The following HNF4G variants were observed in gnomAD, a reference collection of about 807,000 sequenced individuals.
HNF4G encodes the protein hepatocyte nuclear factor 4-gamma.
A neutral mutation model predicts 50.9 loss-of-function variants in HNF4G; 21 were observed. The observed-to-expected ratio is 0.41, with a 90% CI of 0.29 to 0.59. The LOEUF (loss-of-function observed/expected upper bound fraction) is 0.59, where lower values mean the gene tolerates loss of function less well. Ranked by LOEUF, HNF4G falls within the 20% of genes least tolerant of loss-of-function variation. HNF4G has a pLI of 0.26. For synonymous variants in HNF4G, 198 were observed against 185.6 expected (o/e 1.07, Z -0.54); for missense variants, 527 against 559.4 (o/e 0.94, Z 0.58).
chr8:75,450,781 C>T (rs963248655), intron 1 of HNF4G, among the ~76,000 whole-genome samples: 3 of 152,104 alleles, frequency 2.0e-5, no homozygotes, highest in Admixed American at 6.6e-5. Flanking sequence ...CTTTTAGAGG[C>T]GTTTAAGTCC....
intron 3 of HNF4G, 52 bp downstream of exon 3, chr8:75,547,733 T>TA: frequency 9.4e-7 from 1 of 1,064,534 alleles, no homozygotes; most frequent in East Asian, 2.4e-5. Flanking sequence ...GTGATAAACA[T>TA]ACACACACAT....
intron 2 of HNF4G, among the ~76,000 whole-genome samples, chr8:75,496,890 G>A (rs563378041): frequency 6.6e-5 from 10 of 152,008 alleles, no homozygotes; most frequent in Admixed American, 1.3e-4. Context: ...GTGACTATGA[G>A]AAATGCAGTT....
intron 1 of HNF4G, among the ~76,000 whole-genome samples, chr8:75,409,734 G>T (rs913419916): frequency 6.6e-6 from 1 of 151,896 alleles, no homozygotes; most frequent in Non-Finnish European, 1.5e-5. Flanking sequence ...TGATCTGCCC[G>T]TCTTGACATC....
intron 1 of HNF4G, among the ~76,000 whole-genome samples, chr8:75,420,997 T>G (rs1461774213): frequency 6.6e-6 from 1 of 152,218 alleles, no homozygotes; most frequent in Non-Finnish European, 1.5e-5. Context: ...TAATTCAGCC[T>G]CATGTGTACT....
At chr8:75,466,157 A>C (rs530422732) in intron 1 of HNF4G, among the ~76,000 whole-genome samples, 1 of 152,260 alleles carries the variant, frequency 6.6e-6, no homozygotes, top group Admixed American at 6.5e-5. Flanking sequence ...TTTAAACACC[A>C]CATTGTCTAA....
rs1807429591 is a variant in HNF4G, at chr8:75,565,337, C to T, written c.*1241C>T. 1 of 148,202 alleles carries T rather than the reference C, an allele frequency of 6.7e-6. No individual in the cohort carries two copies. Among genetic ancestry groups the T allele is most frequent in the South Asian group, 2.2e-4 (1 of 4,622 alleles). The allele number at this position is 148,202 out of a possible 1,614,324, so 9.2% of individuals were successfully genotyped here. On this transcript the variant is annotated 3_prime_UTR_variant, in exon 10 of 10. Coordinates refer to ENST00000396423, the MANE Select transcript of HNF4G (RefSeq NM_004133.5). ...AAATTGTTGTAGCTTGAATAAGAAA[C>T]CACTTTTGTAGTTTTAACCAGACTT...
At position 75,543,891 on chromosome 8, in the gene HNF4G, A is replaced by C; in HGVS notation, c.199A>C (p.Thr67Pro). ...GTGTGCTATCTGTGGGGACAGAGCAACAGGAAAACACTATGGGGCATCCAG... is the reference window on the plus strand; with the variant it reads ...GTGTGCTATCTGTGGGGACAGAGCACCAGGAAAACACTATGGGGCATCCAG... Reference protein sequence around the residue: ...CLCAICGDRATGKHYGASSCD... With the variant: ...CLCAICGDRAPGKHYGASSCD... Residue 67 changes from threonine (T) to proline (P), a missense_variant, in exon 2 of 10, where the codon ACA becomes CCA. By Grantham distance (38) the Thr-to-Pro change is conservative. Transcript: ENST00000396423. 6.2e-7 allele frequency: 1 copy of C among 1,613,892 alleles called. No individual in the cohort carries two copies. The highest frequency in any genetic ancestry group is 8.5e-7 in the Non-Finnish European group (1 of 1,179,830).
At chr8:75,522,909 A>G (rs1806084352) in intron 2 of HNF4G, among the ~76,000 whole-genome samples, 1 of 152,110 alleles carries the variant, frequency 6.6e-6, no homozygotes, top group African/African-American at 2.4e-5. Flanking sequence ...GGCATCAAAG[A>G]AACAAAGCCT....
At chr8:75,497,423 C>A (rs760342191) in intron 2 of HNF4G, among the ~76,000 whole-genome samples, 2 of 152,144 alleles carry the variant, frequency 1.3e-5, no homozygotes, top group African/African-American at 4.8e-5. Flanking sequence ...CGGTGGCTCA[C>A]GCCTGTAATC....
chr8:75,497,244 A>G (rs830781), intron 2 of HNF4G, among the ~76,000 whole-genome samples: 121,800 of 152,082 alleles, frequency 0.8, 49,611 homozygotes, highest in African/African-American at 0.95. Flanking sequence ...AATTTTGTCA[A>G]GCAGAGGACA....
At chr8:75,546,849 T>C (rs1371507568) in intron 2 of HNF4G, among the ~76,000 whole-genome samples, 1 of 152,202 alleles carries the variant, frequency 6.6e-6, no homozygotes, top group African/African-American at 2.4e-5. Context: ...AAGAAGTTTT[T>C]ATGTGTACAT....
intron 2 of HNF4G, among the ~76,000 whole-genome samples, chr8:75,523,958 T>A (rs900950915): frequency 6.6e-6 from 1 of 151,958 alleles, no homozygotes; most frequent in African/African-American, 2.4e-5. Context: ...GGGTACCTTT[T>A]AATTTTAATT....
chr8:75,454,990 T>C (rs1811685002), intron 1 of HNF4G, among the ~76,000 whole-genome samples: 1 of 152,198 alleles, frequency 6.6e-6, no homozygotes. Context: ...TTGGAAGGAA[T>C]GCTTGCCATT....
chr8:75,496,136 T>G (rs1812760678), intron 2 of HNF4G, among the ~76,000 whole-genome samples: 1 of 152,098 alleles, frequency 6.6e-6, no homozygotes, highest in Non-Finnish European at 1.5e-5. Context: ...TAAATCCAAT[T>G]TTAATATAAG....
chr8:75,467,402 C>T (rs757802432), intron 1 of HNF4G, among the ~76,000 whole-genome samples: 10 of 152,130 alleles, frequency 6.6e-5, no homozygotes, highest in Non-Finnish European at 1.3e-4. Context: ...TGGCTCATGC[C>T]TGTAATCCCA....
chr8:75,491,282 AT>A (rs1201278378), intron 2 of HNF4G, among the ~76,000 whole-genome samples: 1 of 152,120 alleles, frequency 6.6e-6, no homozygotes, highest in Non-Finnish European at 1.5e-5. Flanking sequence ...CTGATACAAA[AT>A]TTTTTTACTT....
chr8:75,512,564 A>C (rs572389680), intron 2 of HNF4G, among the ~76,000 whole-genome samples: 17 of 151,880 alleles, frequency 1.1e-4, no homozygotes, highest in Non-Finnish European at 1.8e-4. Context: ...TCCCGGGTTC[A>C]TGCCATTCTC....
At chr8:75,502,046 TTTCACCCTG>T (rs1172176990) in intron 2 of HNF4G, among the ~76,000 whole-genome samples, 3 of 152,064 alleles carry the variant, frequency 2.0e-5, no homozygotes, top group Non-Finnish European at 4.4e-5. Flanking sequence ...AGAGACGAGG[TTTCACCCTG>T]TTAGCCAGGA....
At chr8:75,512,196 T>C (rs1805772518) in intron 2 of HNF4G, among the ~76,000 whole-genome samples, 1 of 151,792 alleles carries the variant, frequency 6.6e-6, no homozygotes, top group African/African-American at 2.4e-5. Context: ...TTAAAATTTC[T>C]CTCTTGTTAG....
Sources: allele counts gnomAD v4.1 joint callset (sites outside exome capture counted in the v4.1 genomes callset), GRCh38; gene constraint gnomAD v4.1.1; transcripts MANE v1.5; gene names NCBI Gene and HGNC (gene_info 2026-07-23, HGNC 2026-07-21).